Variants in CDH11 observed in about 807,000 individuals in gnomAD.
The protein encoded by CDH11 is cadherin-11.
Under a neutral mutation model 67.8 loss-of-function variants are expected in CDH11, and 11 were observed. The ratio of observed to expected loss-of-function variants is 0.16; its 90% CI spans 0.10 to 0.27. The LOEUF is 0.27. Among genes scored for constraint, CDH11 ranks in the 10% least tolerant of loss-of-function variants. The pLI, the probability that CDH11 is intolerant of heterozygous loss-of-function variation, is 1.00. For missense variants in CDH11, 847 were observed against 1,031.2 expected, an observed-to-expected ratio of 0.82 and a Z score of 2.45; for synonymous variants, 419 against 400.0, an observed-to-expected ratio of 1.05 and a Z score of -0.57.
chr16:65,046,823 G>T (rs116480859), intron 2 of CDH11, among the ~76,000 whole-genome samples: 1,523 of 152,248 alleles, frequency 0.01, 30 homozygotes, highest in African/African-American at 0.035. Context: ...TTAAAATTAA[G>T]GTGGCTGGGC....
chr16:64,989,198 T>C (rs954242504), intron 6 of CDH11, among the ~76,000 whole-genome samples: 3 of 151,968 alleles, frequency 2.0e-5, no homozygotes, highest in African/African-American at 7.2e-5. Context: ...TGTGTGGTTG[T>C]GGGTGTGTAA....
intron 1 of CDH11, among the ~76,000 whole-genome samples, chr16:65,068,612 C>T (rs1031840501): frequency 6.6e-6 from 1 of 152,140 alleles, no homozygotes; most frequent in Non-Finnish European, 1.5e-5. Flanking sequence ...GCACACTCAT[C>T]GCCCAAAACC....
At chr16:65,040,281 A>G (rs1172394395) in intron 2 of CDH11, among the ~76,000 whole-genome samples, 1 of 152,226 alleles carries the variant, frequency 6.6e-6, no homozygotes, top group Non-Finnish European at 1.5e-5. Context: ...CACTATTCAC[A>G]ATAGCAAAGA....
intron 1 of CDH11, among the ~76,000 whole-genome samples, chr16:65,118,573 T>C (rs1285399790): frequency 2.0e-5 from 3 of 152,222 alleles, no homozygotes; most frequent in East Asian, 1.9e-4. Context: ...CTTGACAAAT[T>C]AGGTAACTTT....
chr16:65,022,717 C>T (rs2073451702), intron 2 of CDH11, among the ~76,000 whole-genome samples: 1 of 152,210 alleles, frequency 6.6e-6, no homozygotes, highest in Non-Finnish European at 1.5e-5. Flanking sequence ...ATTCCAAACT[C>T]CTCTGAGTAT....
chr16:64,945,824 C>A lies in CDH11; in HGVS notation c.*1779G>T. The A allele has an allele frequency of 9.5e-7, 1 of 1,050,166 alleles. No individual in the cohort carries two copies. Among genetic ancestry groups the A allele is most frequent in the Non-Finnish European group, 1.1e-6 (1 of 869,788 alleles). 65.1% of individuals were successfully genotyped at this position (1,050,166 alleles called of 1,614,324 possible). A position where few individuals can be genotyped will look rare whatever the true frequency, so the allele number is the denominator to read the frequency against. ...ACATGATATCAAGAAATGCTTGAAACAAACTTTCACAATAAAGTCAGAAAA... is the reference window on the plus strand; with the variant it reads ...ACATGATATCAAGAAATGCTTGAAAAAAACTTTCACAATAAAGTCAGAAAA... On this transcript the variant is annotated 3_prime_UTR_variant, in exon 13 of 13. Transcript: ENST00000268603.
intron 1 of CDH11, among the ~76,000 whole-genome samples, chr16:65,085,922 T>G (rs1245519367): frequency 6.6e-6 from 1 of 152,242 alleles, no homozygotes; most frequent in African/African-American, 2.4e-5. Context: ...TTCTTTAGCT[T>G]TTCAAAAAGC....
In CDH11 at chr16:65,102,406, AG is replaced by A. The variant is rs140932841; in HGVS notation, c.-298+19473del. 5.8e-4 allele frequency among the ~76,000 whole-genome samples: 88 copies of A among 152,348 alleles called. No individual in the cohort carries two copies. In the East Asian group the frequency reaches 0.014, roughly 24 times the overall value. ...CCATATACCCACTCTCCTAAAAAAA[AG>A]TCACTTACCTCCCTCTTGGGAAACC... is the stretch of plus-strand genomic sequence containing the variant. On this transcript the variant is annotated intron_variant, in intron 1 of 12. Coordinates refer to ENST00000268603, the MANE Select transcript of CDH11 (RefSeq NM_001797.4).
At chr16:65,081,909 A>G (rs1422111176) in intron 1 of CDH11, among the ~76,000 whole-genome samples, 1 of 140,646 alleles carries the variant, frequency 7.1e-6, no homozygotes, top group East Asian at 2.2e-4. Flanking sequence ...GTGAAGTCAC[A>G]TCACATGTCC....
chr16:65,001,319 A>T (rs1273448111), intron 3 of CDH11, among the ~76,000 whole-genome samples: 1 of 152,232 alleles, frequency 6.6e-6, no homozygotes, highest in African/African-American at 2.4e-5. Flanking sequence ...ACAGTAAAAT[A>T]CAAAGCTGTT....
intron 1 of CDH11, among the ~76,000 whole-genome samples, chr16:65,091,095 T>A (rs1337427331): frequency 6.6e-6 from 1 of 152,234 alleles, no homozygotes; most frequent in Non-Finnish European, 1.5e-5. Flanking sequence ...AATACATAAT[T>A]CAATGGCCTA....
At chr16:65,012,057 T>C (rs184059430) in intron 2 of CDH11, among the ~76,000 whole-genome samples, 174 of 152,360 alleles carry the variant, frequency 1.1e-3, no homozygotes, top group Middle Eastern at 3.4e-3. Context: ...ATGTAGACTG[T>C]TCTCAAACAA....
At chr16:64,969,055 A>T (rs1025567137) in intron 11 of CDH11, among the ~76,000 whole-genome samples, 6 of 152,178 alleles carry the variant, frequency 3.9e-5, no homozygotes, top group African/African-American at 1.4e-4. Flanking sequence ...GTAGCTCAAC[A>T]GTGGTATTAG....
intron 1 of CDH11, among the ~76,000 whole-genome samples, chr16:65,071,030 G>C (rs771085057): frequency 6.6e-6 from 1 of 152,146 alleles, no homozygotes; most frequent in African/African-American, 2.4e-5. Flanking sequence ...TGCTGTCCTC[G>C]TCACTGTCCG....
chr16:65,115,728 A>C (rs1349533383), intron 1 of CDH11, among the ~76,000 whole-genome samples: 5 of 150,068 alleles, frequency 3.3e-5, no homozygotes, highest in Middle Eastern at 3.4e-3. Context: ...AAAACAAAAA[A>C]ACAAAACCTC....
At chr16:64,964,934 A>G (rs1597024084) in intron 11 of CDH11, among the ~76,000 whole-genome samples, 1 of 152,132 alleles carries the variant, frequency 6.6e-6, no homozygotes, top group African/African-American at 2.4e-5. Flanking sequence ...TCTAGGGTAC[A>G]TGTGCACAAC....
Position 64,946,862 on chromosome 16 carries a change from T to G in CDH11, c.*741A>C, listed in dbSNP as rs1194775245. 1 of 844,020 alleles carries G rather than the reference T, an allele frequency of 1.2e-6. No homozygotes were observed. Among genetic ancestry groups the G allele is most frequent in the Admixed American group, 5.9e-5 (1 of 16,894 alleles). The allele number at this position is 844,020 out of a possible 1,614,324, so 52.3% of individuals were successfully genotyped here. On this transcript the variant is annotated 3_prime_UTR_variant, in exon 13 of 13. Transcript: ENST00000268603. Reference sequence around the variant, plus strand: ...AAGCAACAGTACAATGTTCATAAAATATAAGTGTGATGCCGTAACATTTTC... The same window carrying G: ...AAGCAACAGTACAATGTTCATAAAAGATAAGTGTGATGCCGTAACATTTTC...
At chr16:65,107,909 A>G (rs957143434) in intron 1 of CDH11, among the ~76,000 whole-genome samples, 1 of 152,178 alleles carries the variant, frequency 6.6e-6, no homozygotes, top group Non-Finnish European at 1.5e-5. Flanking sequence ...AAGGCCACAC[A>G]GCTATTTATC....
At chr16:64,973,716 A>G (rs1292477151) in intron 8 of CDH11, among the ~76,000 whole-genome samples, 5 of 152,118 alleles carry the variant, frequency 3.3e-5, no homozygotes, top group Admixed American at 2.6e-4. Context: ...CTGAGGCATG[A>G]GAATCATTGA....
Sources: allele counts gnomAD v4.1 joint callset (sites outside exome capture counted in the v4.1 genomes callset), GRCh38; gene constraint gnomAD v4.1.1; transcripts MANE v1.5; gene names NCBI Gene and HGNC (gene_info 2026-07-23, HGNC 2026-07-21).